YAF2: variants seen among roughly 807,000 people sequenced by gnomAD.
YAF2 encodes the protein YY1 associated factor 2.
In YAF2, 7 loss-of-function variants were observed where a neutral mutation model predicts 20.1. That is an observed-to-expected ratio of 0.35 (90% CI 0.20 to 0.65). The LOEUF (loss-of-function observed/expected upper bound fraction) is 0.65. YAF2 is among the 30% of genes least tolerant of loss of function. The pLI is 0.69. For missense variants in YAF2, 151 were observed against 219.2 expected (o/e 0.69, Z 1.96); for synonymous variants, 74 against 76.0 (o/e 0.97, Z 0.14).
chr12:42,187,546 T>C (rs2137080238), intron 2 of YAF2, among the ~76,000 whole-genome samples: 1 of 152,248 alleles, frequency 6.6e-6, no homozygotes, highest in East Asian at 1.9e-4. Context: ...AAGATTGAGA[T>C]ACAATGGCAT....
intron 2 of YAF2, among the ~76,000 whole-genome samples, chr12:42,194,637 A>G (rs1039523232): frequency 1.3e-5 from 2 of 152,162 alleles, no homozygotes; most frequent in Admixed American, 6.5e-5. Flanking sequence ...AATCTAAGCC[A>G]TTCTTATATA....
intron 2 of YAF2, among the ~76,000 whole-genome samples, chr12:42,180,434 T>C (rs1034453402): frequency 2.0e-5 from 3 of 152,012 alleles, no homozygotes; most frequent in Admixed American, 2.0e-4. Flanking sequence ...TGGAAGTGAG[T>C]GATTCCTCCT....
intron 2 of YAF2, among the ~76,000 whole-genome samples, chr12:42,186,236 G>A (rs1003361841): frequency 2.7e-5 from 4 of 147,814 alleles, no homozygotes; most frequent in Admixed American, 6.8e-5. Context: ...GCTCAGGCCT[G>A]TAATCCCAGA....
intron 2 of YAF2, chr12:42,233,653 A>G: frequency 1.6e-6 from 1 of 615,838 alleles, no homozygotes; most frequent in African/African-American, 2.0e-5. Flanking sequence ...CTGGGACCAC[A>G]GGCATGCACC....
At chr12:42,196,367 C>T (rs2066753544) in intron 2 of YAF2, among the ~76,000 whole-genome samples, 1 of 151,420 alleles carries the variant, frequency 6.6e-6, no homozygotes, top group Non-Finnish European at 1.5e-5. Context: ...TGACTTTATA[C>T]AGGTTAATGG....
rs1592137338 is a variant in YAF2 at position 42,158,695 on chromosome 12, T to C, written c.*1894A>G. 2 of 152,210 alleles carry C rather than the reference T, an allele frequency of 1.3e-5. No individual in the cohort carries two copies. The highest frequency in any genetic ancestry group is 3.9e-4 in the East Asian group (2 of 5,194). 9.4% of individuals were successfully genotyped at this position (152,210 alleles called of 1,614,324 possible). On this transcript the variant is annotated 3_prime_UTR_variant, in exon 4 of 4. Transcript: ENST00000534854. Reference sequence around the variant, plus strand: ...GTAGAAAGATGAGTATCTTCCCACCTATGTAGAAATATGAGTATGCTCCAT... The same window carrying C: ...GTAGAAAGATGAGTATCTTCCCACCCATGTAGAAATATGAGTATGCTCCAT...
At position 42,178,458 on chromosome 12, in the gene YAF2, C is replaced by T. The variant is rs888898752; in HGVS notation, c.153-16693G>A. Reference sequence around the variant, plus strand: ...ATTTCACCTTTGCTTTCCTAATCCACTGAAGATTCCATCTTTTCCAAATAA... The same window carrying T: ...ATTTCACCTTTGCTTTCCTAATCCATTGAAGATTCCATCTTTTCCAAATAA... On this transcript the variant is annotated intron_variant, in intron 2 of 3. Coordinates refer to ENST00000534854, the MANE Select transcript of YAF2 (RefSeq NM_005748.6). Among the ~76,000 whole-genome samples the T allele has an allele frequency of 7.9e-5, 12 of 152,310 alleles. No individual in the cohort carries two copies. The East Asian group carries it at 2.1e-3, about 27-fold the overall frequency.
intron 2 of YAF2, among the ~76,000 whole-genome samples, chr12:42,205,055 T>TAA (rs200657939): frequency 1.7e-4 from 25 of 144,604 alleles, no homozygotes; most frequent in South Asian, 2.2e-4. Flanking sequence ...AAGTTGTTAT[T>TAA]AAAAAAAAAA....
chr12:42,177,950 A>G (rs1222981495), intron 2 of YAF2, among the ~76,000 whole-genome samples: 1 of 152,030 alleles, frequency 6.6e-6, no homozygotes, highest in Non-Finnish European at 1.5e-5. Flanking sequence ...ACTACATTAC[A>G]TATTATTATT....
intron 2 of YAF2, among the ~76,000 whole-genome samples, chr12:42,190,014 T>C (rs540732334): frequency 1.6e-3 from 241 of 152,368 alleles, no homozygotes; most frequent in African/African-American, 5.5e-3. Flanking sequence ...TAATATATTA[T>C]ACAATGCCAT....
intron 2 of YAF2, among the ~76,000 whole-genome samples, chr12:42,214,032 C>G (rs1246336599): frequency 6.6e-6 from 1 of 152,222 alleles, no homozygotes; most frequent in South Asian, 2.1e-4. Flanking sequence ...ATTCTCCTTA[C>G]AGAAGCCACA....
chr12:42,180,145 C>T (rs1423613658), intron 2 of YAF2, among the ~76,000 whole-genome samples: 1 of 152,166 alleles, frequency 6.6e-6, no homozygotes, highest in Non-Finnish European at 1.5e-5. Context: ...GTATTCATGC[C>T]CTTATCCAAA....
rs2065725368 is a variant in YAF2 at position 42,157,252 on chromosome 12, C to G, written c.*3337G>C. ...TGAGGAGGGCAAAGAGAACAGAACA[C>G]AAGAAGCATCCTCACTTCATAACAA... is the stretch of plus-strand genomic sequence containing the variant. On this transcript the variant is annotated 3_prime_UTR_variant, in exon 4 of 4. Transcript: ENST00000534854. 1 of 152,360 alleles carries G rather than the reference C, an allele frequency of 6.6e-6. No individual in the cohort carries two copies. The highest frequency in any genetic ancestry group is 2.4e-5 in the African/African-American group (1 of 41,580). 9.4% of individuals were successfully genotyped at this position (152,360 alleles called of 1,614,324 possible). A position where few individuals can be genotyped will look rare whatever the true frequency, so the allele number is the denominator to read the frequency against.
intron 2 of YAF2, among the ~76,000 whole-genome samples, chr12:42,226,969 C>T (rs1239158191): frequency 2.7e-5 from 4 of 148,884 alleles, no homozygotes; most frequent in Admixed American, 6.7e-5. Flanking sequence ...CGCTGCGGCC[C>T]GGGGCAGTGC....
intron 2 of YAF2, among the ~76,000 whole-genome samples, chr12:42,174,922 C>A (rs1477400810): frequency 6.6e-6 from 1 of 152,144 alleles, no homozygotes; most frequent in Non-Finnish European, 1.5e-5. Context: ...CCTGAATAAT[C>A]TTTTCTATGC....
At chr12:42,168,318 A>G (rs994004944) in intron 2 of YAF2, among the ~76,000 whole-genome samples, 4 of 151,740 alleles carry the variant, frequency 2.6e-5, no homozygotes, top group Non-Finnish European at 4.4e-5. Flanking sequence ...AGCTGGGATT[A>G]CAAGTGTGCA....
intron 2 of YAF2, among the ~76,000 whole-genome samples, chr12:42,173,012 G>GT (rs1276734240): frequency 6.6e-6 from 1 of 152,084 alleles, no homozygotes; most frequent in Non-Finnish European, 1.5e-5. Context: ...AAAATGGAGA[G>GT]TAACTGCAAA....
At chr12:42,224,978 T>C (rs948416069) in intron 2 of YAF2, among the ~76,000 whole-genome samples, 1 of 152,230 alleles carries the variant, frequency 6.6e-6, no homozygotes, top group Non-Finnish European at 1.5e-5. Context: ...GTTGAACTAA[T>C]TTACACTCCC....
intron 2 of YAF2, among the ~76,000 whole-genome samples, chr12:42,202,063 G>T (rs2066913132): frequency 6.6e-6 from 1 of 151,970 alleles, no homozygotes; most frequent in South Asian, 2.1e-4. Flanking sequence ...TAATTCAACT[G>T]GAATTTATTT....
Sources: allele counts gnomAD v4.1 joint callset (sites outside exome capture counted in the v4.1 genomes callset), GRCh38; gene constraint gnomAD v4.1.1; transcripts MANE v1.5; gene names NCBI Gene and HGNC (gene_info 2026-07-23, HGNC 2026-07-21).